The following ACSL5 variants were observed in gnomAD, a reference collection of about 807,000 sequenced individuals.
The protein encoded by ACSL5 is long-chain-fatty-acid--CoA ligase 5.
A neutral mutation model predicts 84.9 loss-of-function variants in ACSL5; 50 were observed. The ratio of observed to expected loss-of-function variants is 0.59; its 90% CI spans 0.47 to 0.75. ACSL5 has a LOEUF of 0.75. Ranked by LOEUF, ACSL5 falls within the 30% of genes least tolerant of loss-of-function variation. ACSL5 has a pLI of 0.00. For synonymous variants in ACSL5, 280 were observed against 300.7 expected, an observed-to-expected ratio of 0.93 and a Z score of 0.71; for missense variants, 775 against 830.4, an observed-to-expected ratio of 0.93 and a Z score of 0.82.
intron 1 of ACSL5, chr10:112,376,351 G>C (rs752898656): frequency 2.5e-6 from 4 of 1,614,184 alleles, no homozygotes; most frequent in Non-Finnish European, 3.4e-6. Flanking sequence ...GGAACCACGA[G>C]CGAGGGAAGA....
At chr10:112,384,817 T>C (rs920799929) in intron 1 of ACSL5, among the ~76,000 whole-genome samples, 1 of 152,174 alleles carries the variant, frequency 6.6e-6, no homozygotes, top group African/African-American at 2.4e-5. Context: ...GCACCCGACC[T>C]CCATCTCTCT....
chr10:112,376,547 A>G, intron 1 of ACSL5: 1 of 1,535,978 alleles, frequency 6.5e-7, no homozygotes, highest in East Asian at 2.3e-5. Context: ...TCTTTAAGCG[A>G]CTTAGAATCA....
chr10:112,376,339 G>T, intron 1 of ACSL5: 1 of 1,614,170 alleles, frequency 6.2e-7, no homozygotes, highest in Non-Finnish European at 8.5e-7. Flanking sequence ...CCTGTCTCTG[G>T]AGGAACCACG....
intron 1 of ACSL5, among the ~76,000 whole-genome samples, chr10:112,393,465 C>A (rs962416463): frequency 2.0e-5 from 3 of 152,142 alleles, no homozygotes; most frequent in Non-Finnish European, 4.4e-5. Context: ...ACACAAAATT[C>A]CTGCACCTTG....
intron 5 of ACSL5, among the ~76,000 whole-genome samples, chr10:112,407,310 A>G (rs1288213437): frequency 6.6e-6 from 1 of 151,868 alleles, no homozygotes; most frequent in African/African-American, 2.4e-5. Flanking sequence ...TGCAACCTCC[A>G]CCTCCCGGGT....
chr10:112,385,854 C>T (rs1194487340), intron 1 of ACSL5, among the ~76,000 whole-genome samples: 1 of 152,106 alleles, frequency 6.6e-6, no homozygotes, highest in Non-Finnish European at 1.5e-5. Flanking sequence ...TTATGTCTGT[C>T]TTGAGTCTTC....
intron 1 of ACSL5, among the ~76,000 whole-genome samples, chr10:112,389,140 C>T (rs1490770248): frequency 6.6e-6 from 1 of 152,094 alleles, no homozygotes; most frequent in Non-Finnish European, 1.5e-5. Flanking sequence ...AGACATGCTG[C>T]CCCAAGTCCA....
chr10:112,401,972 T>C (rs1356052284), intron 3 of ACSL5, among the ~76,000 whole-genome samples: 1 of 145,554 alleles, frequency 6.9e-6, no homozygotes, highest in Non-Finnish European at 1.5e-5. Flanking sequence ...TCTCTCTCCT[T>C]CTGTCTTTCT....
At chr10:112,396,184 T>G (rs1423334032) in intron 2 of ACSL5, 1 of 152,240 alleles carries the variant, frequency 6.6e-6, no homozygotes, top group Non-Finnish European at 1.5e-5. Flanking sequence ...TTCTTGAAAC[T>G]CCTCCTTTCG....
At position 112,417,994 on chromosome 10, in the gene ACSL5, G is replaced by C. The variant is rs1219405142; in HGVS notation, c.1314+53G>C. On this transcript the variant is annotated intron_variant, in intron 14 of 20. Transcript: ENST00000354655. ...GGCTATTTTACTTTTGCACAAACAG[G>C]CTCACTGTTTAAATAAAAATGAAAA... The C allele has an allele frequency of 2.2e-5, 29 of 1,346,900 alleles. No homozygotes were observed. In the Admixed American group the frequency reaches 6.6e-4, roughly 31 times the overall value. 83.4% of individuals were successfully genotyped at this position (1,346,900 alleles called of 1,614,324 possible). A position where few individuals can be genotyped will look rare whatever the true frequency, so the allele number is the denominator to read the frequency against.
intron 1 of ACSL5, among the ~76,000 whole-genome samples, chr10:112,380,455 C>A (rs1267139487): frequency 1.3e-5 from 2 of 151,306 alleles, no homozygotes; most frequent in African/African-American, 2.4e-5. Context: ...TTCCCCCTGC[C>A]ACCCCCCGCC....
intron 14 of ACSL5, among the ~76,000 whole-genome samples, chr10:112,420,642 A>C (rs1469553048): frequency 1.3e-5 from 2 of 152,096 alleles, no homozygotes; most frequent in African/African-American, 2.4e-5. Context: ...TTCAATTGCT[A>C]TTGGGTTGCA....
intron 1 of ACSL5, among the ~76,000 whole-genome samples, chr10:112,378,227 G>GTTTTT (rs144322644): frequency 1.2e-4 from 7 of 56,806 alleles, no homozygotes; most frequent in Non-Finnish European, 1.8e-4. Context: ...TCTTCTTCTT[G>GTTTTT]TTTTTTTTTT....
intron 3 of ACSL5, among the ~76,000 whole-genome samples, chr10:112,403,549 G>C (rs1214506645): frequency 6.6e-6 from 1 of 152,242 alleles, no homozygotes; most frequent in Non-Finnish European, 1.5e-5. Context: ...GCCTCCCAAA[G>C]TGCTGGGATT....
chr10:112,422,477 T>G, intron 17 of ACSL5, 36 bp downstream of exon 17: 1 of 1,554,362 alleles, frequency 6.4e-7, no homozygotes. Context: ...AAGTCTATGC[T>G]AATGGACTGA....
chr10:112,406,409 AT>A (rs1275544748), intron 5 of ACSL5: 3 of 152,182 alleles, frequency 2.0e-5, no homozygotes, highest in African/African-American at 7.2e-5. Flanking sequence ...TTAATTACTT[AT>A]TTAAAAGCCC....
intron 1 of ACSL5, among the ~76,000 whole-genome samples, chr10:112,386,667 T>C (rs979632988): frequency 6.6e-6 from 1 of 152,204 alleles, no homozygotes; most frequent in Admixed American, 6.5e-5. Flanking sequence ...TTCATTAGGG[T>C]TGCATTAAAT....
intron 1 of ACSL5, among the ~76,000 whole-genome samples, chr10:112,378,477 C>A (rs1023661095): frequency 6.6e-6 from 1 of 151,956 alleles, no homozygotes; most frequent in African/African-American, 2.4e-5. Context: ...AAACTCCTGA[C>A]CTCAAGTTAT....
intron 12 of ACSL5, among the ~76,000 whole-genome samples, chr10:112,414,615 C>T (rs1844273567): frequency 6.6e-6 from 1 of 152,084 alleles, no homozygotes; most frequent in African/African-American, 2.4e-5. Flanking sequence ...ACCTCAGCCT[C>T]CCAAATTGTT....
Sources: gnomAD v4.1 joint callset for allele counts (sites outside exome capture counted in the v4.1 genomes callset) on GRCh38, gnomAD v4.1.1 for gene constraint, MANE v1.5 for transcripts, NCBI Gene and HGNC (gene_info 2026-07-23, HGNC 2026-07-21) for gene names.